RNLS: variants seen among roughly 807,000 people sequenced by gnomAD.
RNLS encodes renalase.
A neutral mutation model predicts 39.8 loss-of-function variants in RNLS; 39 were observed. The observed-to-expected ratio is 0.98, with a 90% CI of 0.76 to 1.28. RNLS has a LOEUF of 1.28. Ranked by LOEUF, RNLS falls within the 50% of genes most tolerant of loss-of-function variation. The pLI, the probability that RNLS is intolerant of heterozygous loss-of-function variation, is 0.00. For missense variants in RNLS, 410 were observed against 413.3 expected, an observed-to-expected ratio of 0.99 and a Z score of 0.07; for synonymous variants, 147 against 150.7, an observed-to-expected ratio of 0.98 and a Z score of 0.18.
Position 88,582,258 on chromosome 10 carries a change from A to G in RNLS, c.168T>C (p.Ala56=). 1 of 1,614,136 alleles carries G rather than the reference A, an allele frequency of 6.2e-7. No individual in the cohort carries two copies. Residue 56 remains alanine, a synonymous_variant, in exon 2 of 7, where the codon GCT becomes GCC. Coordinates refer to ENST00000331772, the MANE Select transcript of RNLS (RefSeq NM_001031709.3). ...ACSPHNPQCT[A]DLGAQYITCT... is the part of the protein sequence containing the mutation. The stretch of plus-strand genomic sequence containing the variant: ...AGGTGATGTACTGAGCACCCAAGTC[A>G]GCTGTGCACTGAGGATTATGAGGAC...
the RNLS span, among the ~76,000 whole-genome samples, chr10:88,203,753 C>T: frequency 5.5e-4 from 82 of 149,542 alleles, no homozygotes; most frequent in African/African-American, 1.7e-3. Context: ...TTTGAGAAGT[C>T]GATACAAATA....
intron 4 of RNLS, among the ~76,000 whole-genome samples, chr10:88,419,743 G>A (rs918834002): frequency 6.6e-6 from 1 of 152,102 alleles, no homozygotes; most frequent in African/African-American, 2.4e-5. Flanking sequence ...GGTGGCTCAC[G>A]CCTGTAATAC....
chr10:88,185,820 A>G, the RNLS span, among the ~76,000 whole-genome samples: 1 of 152,210 alleles, frequency 6.6e-6, no homozygotes, highest in South Asian at 2.1e-4. Flanking sequence ...AAAAACCAGT[A>G]AAATTTTAAT....
At chr10:88,522,978 A>C (rs1846849283) in intron 4 of RNLS, among the ~76,000 whole-genome samples, 1 of 152,090 alleles carries the variant, frequency 6.6e-6, no homozygotes. Flanking sequence ...GTTTGATAGG[A>C]ACTCAAGAGA....
the RNLS span, among the ~76,000 whole-genome samples, chr10:88,267,034 G>T: frequency 6.6e-6 from 1 of 152,146 alleles, no homozygotes; most frequent in Non-Finnish European, 1.5e-5. Flanking sequence ...TCCCAGTGCA[G>T]GTGTCAGACC....
At chr10:88,248,256 C>T in the RNLS span, among the ~76,000 whole-genome samples, 1 of 152,322 alleles carries the variant, frequency 6.6e-6, no homozygotes, top group East Asian at 1.9e-4. Flanking sequence ...TTTCACTTTA[C>T]CATCTACCTA....
rs143571190 is a variant in RNLS at position 88,580,192 on chromosome 10, C to T, written c.367+1375G>A. ...TGTGAGCCAATTCCTTATAATAAAT[C>T]TCTCTCTTTATCCATACTCACATAT... On this transcript the variant is annotated intron_variant, in intron 3 of 6. Transcript: ENST00000331772. 2.0e-5 allele frequency among the ~76,000 whole-genome samples: 3 copies of T among 152,296 alleles called. No individual in the cohort carries two copies. The East Asian group carries it at 5.8e-4, about 29-fold the overall frequency.
intron 4 of RNLS, among the ~76,000 whole-genome samples, chr10:88,446,834 C>T (rs57260181): frequency 0.18 from 27,080 of 152,162 alleles, 2,891 homozygotes; most frequent in Non-Finnish European, 0.25. Flanking sequence ...TGGGCTTCAC[C>T]CCTGAGATGC....
At chr10:88,531,507 A>T (rs1847422791) in intron 4 of RNLS, among the ~76,000 whole-genome samples, 1 of 152,102 alleles carries the variant, frequency 6.6e-6, no homozygotes, top group Non-Finnish European at 1.5e-5. Context: ...TTATGAAGGC[A>T]AAGTGCTTTT....
chr10:88,409,420 C>T (rs1173589897), intron 4 of RNLS, among the ~76,000 whole-genome samples: 1 of 152,096 alleles, frequency 6.6e-6, no homozygotes, highest in Admixed American at 6.6e-5. Flanking sequence ...AGAGCTATCA[C>T]ATATATGAAT....
At chr10:88,189,136 A>G in the RNLS span, among the ~76,000 whole-genome samples, 2 of 152,216 alleles carry the variant, frequency 1.3e-5, no homozygotes, top group African/African-American at 2.4e-5. Flanking sequence ...AGAGAACCAC[A>G]TATATGTATG....
chr10:88,312,179 G>A (rs868162161), intron 6 of RNLS, among the ~76,000 whole-genome samples: 2 of 152,222 alleles, frequency 1.3e-5, no homozygotes, highest in African/African-American at 2.4e-5. Context: ...AGCTGAAGCT[G>A]AGATGGGATA....
rs768590900 is a variant in RNLS, at chr10:88,561,454, AT to A, written c.526+11448del. 9.8e-5 allele frequency among the ~76,000 whole-genome samples: 15 copies of A among 152,318 alleles called. No homozygotes were observed. In the South Asian group the frequency reaches 2.1e-3, roughly 21 times the overall value. On this transcript the variant is annotated intron_variant, in intron 4 of 6. Coordinates refer to ENST00000331772, the MANE Select transcript of RNLS (RefSeq NM_001031709.3). ...GAATTTCAATTTAGTGGGCAAAAAA[AT>A]AATCTCTTATTAAATAAATGGTGCT...
chr10:88,209,513 C>A, the RNLS span, among the ~76,000 whole-genome samples: 45 of 152,134 alleles, frequency 3.0e-4, no homozygotes, highest in Non-Finnish European at 6.5e-4. Flanking sequence ...TCTTCAAGAG[C>A]CTTTAGAGAG....
intron 4 of RNLS, among the ~76,000 whole-genome samples, chr10:88,401,720 C>T (rs138913591): frequency 6.6e-6 from 1 of 152,084 alleles, no homozygotes; most frequent in African/African-American, 2.4e-5. Flanking sequence ...TACTTACATT[C>T]TACAAAAATA....
Position 88,575,470 on chromosome 10 carries a change from C to A in RNLS, c.368-2409G>T, listed in dbSNP as rs1438456837. 2.6e-5 allele frequency among the ~76,000 whole-genome samples: 4 copies of A among 151,806 alleles called. No individual in the cohort carries two copies. In the East Asian group the frequency reaches 7.8e-4, roughly 29 times the overall value. ...CATGATGCGCGCTAAAGTATGAGAACCACTGGGGTAGGTGGACACGCCCAA... is the reference window on the plus strand; with the variant it reads ...CATGATGCGCGCTAAAGTATGAGAAACACTGGGGTAGGTGGACACGCCCAA... On this transcript the variant is annotated intron_variant, in intron 3 of 6. Coordinates refer to ENST00000331772, the MANE Select transcript of RNLS (RefSeq NM_001031709.3).
chr10:88,235,032 C>T, the RNLS span, among the ~76,000 whole-genome samples: 3 of 151,762 alleles, frequency 2.0e-5, no homozygotes, highest in South Asian at 2.1e-4. Flanking sequence ...GAGGCCGAGG[C>T]GGGTGGATCA....
the RNLS span, among the ~76,000 whole-genome samples, chr10:88,214,528 G>T: frequency 6.8e-6 from 1 of 147,176 alleles, no homozygotes; most frequent in Admixed American, 6.8e-5. Flanking sequence ...AAAAAACTCA[G>T]TTAACAGGGT....
chr10:88,580,717 G>C (rs1328975258), intron 3 of RNLS, among the ~76,000 whole-genome samples: 5 of 152,144 alleles, frequency 3.3e-5, no homozygotes, highest in African/African-American at 1.2e-4. Flanking sequence ...AAACTGCAAA[G>C]AGCTGGCTAA....
Sources: gnomAD v4.1 joint callset for allele counts (sites outside exome capture counted in the v4.1 genomes callset) on GRCh38, gnomAD v4.1.1 for gene constraint, MANE v1.5 for transcripts, NCBI Gene and HGNC (gene_info 2026-07-23, HGNC 2026-07-21) for gene names.